NFIX: variants seen among roughly 807,000 people sequenced by gnomAD.
NFIX encodes nuclear factor 1 X-type.
NFIX carries 2 observed loss-of-function variants against 53.3 expected under a neutral mutation model. That is an observed-to-expected ratio of 0.04 (90% CI 0.02 to 0.12). The LOEUF is 0.12. Among genes scored for constraint, NFIX ranks in the 10% least tolerant of loss-of-function variants. The pLI is 1.00. For synonymous variants in NFIX, 244 were observed against 289.0 expected, an observed-to-expected ratio of 0.84 and a Z score of 1.58; for missense variants, 310 against 674.5, an observed-to-expected ratio of 0.46 and a Z score of 5.99.
Position 13,062,570 on chromosome 19 carries a change from C to A in NFIX, c.560-10477C>A, listed in dbSNP as rs531280959. ...CCTCCTGGCCTGAGTGGCCTGGTGG[C>A]CAGGTCTCTGGGGCTCTCATGCCTT... is the stretch of plus-strand genomic sequence containing the variant. On this transcript the variant is annotated intron_variant, in intron 2 of 10. Coordinates refer to ENST00000592199, the MANE Select transcript of NFIX (RefSeq NM_001365902.3). Among the ~76,000 whole-genome samples, 10 of 152,332 alleles carry A rather than the reference C, an allele frequency of 6.6e-5. No individual in the cohort carries two copies. In the South Asian group the frequency reaches 2.1e-3, roughly 32 times the overall value.
At chr19:13,018,918 T>G (rs1010328462) in intron 1 of NFIX, among the ~76,000 whole-genome samples, 5 of 152,238 alleles carry the variant, frequency 3.3e-5, no homozygotes, top group Non-Finnish European at 4.4e-5. Flanking sequence ...ATGGCCTTTT[T>G]AATTTCCCAT....
At chr19:13,074,365 G>C (rs1361241749) in intron 5 of NFIX, among the ~76,000 whole-genome samples, 2 of 152,198 alleles carry the variant, frequency 1.3e-5, no homozygotes, top group Admixed American at 1.3e-4. Context: ...AAATGTTCCA[G>C]GAGAAGAGGG....
At position 13,001,861 on chromosome 19, in the gene NFIX, G is replaced by T. The variant is rs1335654038; in HGVS notation, c.27+5997G>T. ...TGGCTGCTCAGTCCCTTCCCATGAG[G>T]TTGAGCGGCCGCAGTGGCCTTGCTG... On this transcript the variant is annotated intron_variant, in intron 1 of 10. Transcript: ENST00000592199. This position sits in a 1 kb window ranked among gnomAD's most constrained non-coding sequence, Gnocchi z 6.5. Among the ~76,000 whole-genome samples the T allele has an allele frequency of 6.6e-6, 1 of 152,242 alleles. No individual in the cohort carries two copies. The highest frequency in any genetic ancestry group is 2.1e-4 in the South Asian group (1 of 4,836).
chr19:13,069,004 C>T (rs1311897695), intron 2 of NFIX, among the ~76,000 whole-genome samples: 1 of 152,238 alleles, frequency 6.6e-6, no homozygotes, highest in Non-Finnish European at 1.5e-5. Flanking sequence ...TCGGACACAG[C>T]GGCTGGGCTC....
In NFIX at chr19:13,073,507, C is replaced by A; in HGVS notation, c.697+11C>A. 6.2e-7 allele frequency: 1 copy of A among 1,611,506 alleles called. No individual in the cohort carries two copies. The highest frequency in any genetic ancestry group is 1.1e-5 in the South Asian group (1 of 91,006). On this transcript the variant is annotated intron_variant, in intron 4 of 10. Transcript: ENST00000592199. This position sits in a 1 kb window ranked among gnomAD's most constrained non-coding sequence, Gnocchi z 4.5. ...TGAGAGTATCACAGAGTAAGTGAGT[C>A]CTTCCTTCCAGGCCAGGGATGGGGA...
intron 2 of NFIX, among the ~76,000 whole-genome samples, chr19:13,026,341 T>C (rs2145197210): frequency 6.6e-6 from 1 of 151,904 alleles, no homozygotes; most frequent in East Asian, 1.9e-4. Context: ...GGGAGCAGCG[T>C]TGCTGTGGAA....
Position 13,088,180 on chromosome 19 carries a change from G to A in NFIX, c.1402+44G>A, listed in dbSNP as rs1410221344. ...CGAAACCACAACGCCCAGCGTCCCC[G>A]GCCCGTCCAAACAGTCTCCACTGCA... is the stretch of plus-strand genomic sequence containing the variant. On this transcript the variant is annotated intron_variant, in intron 9 of 10. Coordinates refer to ENST00000592199, the MANE Select transcript of NFIX (RefSeq NM_001365902.3). The surrounding 1 kb of genome is among the most constrained non-coding windows in gnomAD (Gnocchi z 5.9). 2.3e-5 allele frequency: 35 copies of A among 1,534,492 alleles called. No individual in the cohort carries two copies. The highest frequency in any genetic ancestry group is 2.5e-5 in the Non-Finnish European group (29 of 1,145,594).
chr19:13,047,960 C>G (rs2015094552), intron 2 of NFIX, among the ~76,000 whole-genome samples: 1 of 152,232 alleles, frequency 6.6e-6, no homozygotes, highest in Non-Finnish European at 1.5e-5. Flanking sequence ...TGCCCATGCT[C>G]TGCTTCTCGA....
intron 2 of NFIX, among the ~76,000 whole-genome samples, chr19:13,029,872 C>T (rs1001798199): frequency 2.0e-5 from 3 of 152,160 alleles, no homozygotes; most frequent in African/African-American, 7.2e-5. Flanking sequence ...GGAGGGCTGC[C>T]CATCCACGTC....
At position 13,075,586 on chromosome 19, in the gene NFIX, T is replaced by G; in HGVS notation, c.870T>G (p.Val290=). Residue 290 remains valine, a synonymous_variant, in exon 6 of 11, where the codon GTT becomes GTG. Transcript: ENST00000592199. ...SIDDSEMESP[V]DDVFYPGTGR... ...ATGACAGTGAGATGGAGAGCCCTGT[T>G]GATGACGTGTTCTATCCCGGGACAG... is the stretch of plus-strand genomic sequence containing the variant. The G allele has an allele frequency of 6.2e-7, 1 of 1,613,748 alleles. No homozygotes were observed. The highest frequency in any genetic ancestry group is 1.1e-5 in the South Asian group (1 of 90,994).
chr19:13,001,855 C>G lies in NFIX; in HGVS notation c.27+5991C>G, dbSNP rs1465874354. ...GCGGGCTGGCTGCTCAGTCCCTTCCCATGAGGTTGAGCGGCCGCAGTGGCC... is the reference window on the plus strand; with the variant it reads ...GCGGGCTGGCTGCTCAGTCCCTTCCGATGAGGTTGAGCGGCCGCAGTGGCC... On this transcript the variant is annotated intron_variant, in intron 1 of 10. Transcript: ENST00000592199. The surrounding 1 kb of genome is among the most constrained non-coding windows in gnomAD (Gnocchi z 6.5). Among the ~76,000 whole-genome samples the G allele has an allele frequency of 2.0e-5, 3 of 152,226 alleles. No homozygotes were observed. The highest frequency in any genetic ancestry group is 7.2e-5 in the African/African-American group (3 of 41,472).
At position 13,068,338 on chromosome 19, in the gene NFIX, G is replaced by A. The variant is rs1228392390; in HGVS notation, c.560-4709G>A. On this transcript the variant is annotated intron_variant, in intron 2 of 10. Coordinates refer to ENST00000592199, the MANE Select transcript of NFIX (RefSeq NM_001365902.3). This position sits in a 1 kb window ranked among gnomAD's most constrained non-coding sequence, Gnocchi z 4.2. ...AAGGACAGAGGGAGGGGAGCCAAGG[G>A]AGACAGGGAAGTAAGATCAGAAATG... Among the ~76,000 whole-genome samples the A allele has an allele frequency of 6.6e-6, 1 of 152,178 alleles. No individual in the cohort carries two copies. The highest frequency in any genetic ancestry group is 1.5e-5 in the Non-Finnish European group (1 of 68,032).
At chr19:13,016,496 C>T (rs1450027983) in intron 1 of NFIX, among the ~76,000 whole-genome samples, 2 of 152,124 alleles carry the variant, frequency 1.3e-5, no homozygotes, top group Non-Finnish European at 2.9e-5. Context: ...AGCAAAATTG[C>T]AGCTGTTCTC....
At chr19:13,024,640 A>G in intron 1 of NFIX, 3 of 1,536,242 alleles carry the variant, frequency 2.0e-6, no homozygotes, top group Non-Finnish European at 2.6e-6. Flanking sequence ...GAACATGGAG[A>G]TGTCATGGGC....
At chr19:13,042,893 C>T (rs573712710) in intron 2 of NFIX, among the ~76,000 whole-genome samples, 56 of 152,278 alleles carry the variant, frequency 3.7e-4, no homozygotes, top group African/African-American at 1.3e-3. Context: ...CTCTTGAAGG[C>T]TCTTCGTCCA....
chr19:13,019,797 C>T (rs2012871984), intron 1 of NFIX, among the ~76,000 whole-genome samples: 2 of 149,826 alleles, frequency 1.3e-5, no homozygotes, highest in Admixed American at 1.3e-4. Flanking sequence ...TCCATAATGG[C>T]AGCAAAATCC....
At chr19:13,019,117 G>GA (rs2012824503) in intron 1 of NFIX, among the ~76,000 whole-genome samples, 2 of 60,914 alleles carry the variant, frequency 3.3e-5, no homozygotes, top group African/African-American at 2.6e-4. Context: ...GGACACATAG[G>GA]ATTTTTTTTT....
At chr19:13,031,197 A>G (rs532555247) in intron 2 of NFIX, among the ~76,000 whole-genome samples, 1 of 152,342 alleles carries the variant, frequency 6.6e-6, no homozygotes, top group African/African-American at 2.4e-5. Flanking sequence ...CCCATTGCCT[A>G]CAACATGCAG....
At chr19:13,047,620 G>A (rs939847395) in intron 2 of NFIX, among the ~76,000 whole-genome samples, 1 of 152,134 alleles carries the variant, frequency 6.6e-6, no homozygotes, top group Admixed American at 6.5e-5. Flanking sequence ...TTGAGCTCTA[G>A]GCCCCAGAAC....
Sources: gnomAD v4.1 joint callset for allele counts (sites outside exome capture counted in the v4.1 genomes callset) on GRCh38, gnomAD v4.1.1 for gene constraint, Gnocchi (gnomAD v3.1) non-coding constraint, MANE v1.5 for transcripts, NCBI Gene and HGNC (gene_info 2026-07-23, HGNC 2026-07-21) for gene names.